The following CDH18 variants were observed in gnomAD, a reference collection of about 807,000 sequenced individuals.
The protein encoded by CDH18 is cadherin-18.
Under a neutral mutation model 67.9 loss-of-function variants are expected in CDH18, and 31 were observed. The observed-to-expected ratio is 0.46, with a 90% CI of 0.34 to 0.62. The LOEUF (loss-of-function observed/expected upper bound fraction) is 0.62, where lower values mean the gene tolerates loss of function less well. CDH18 is among the 20% of genes least tolerant of loss of function. CDH18 has a pLI of 0.01. For synonymous variants in CDH18, 362 were observed against 347.2 expected (o/e 1.04, Z -0.48); for missense variants, 890 against 975.5 (o/e 0.91, Z 1.17).
In CDH18 at chr5:19,574,599, C is replaced by CA. The variant is rs1027208221; in HGVS notation, c.1000-2768dup. Among the ~76,000 whole-genome samples, 79 of 151,164 alleles carry CA rather than the reference C, an allele frequency of 5.2e-4. 2 individuals are homozygous for CA. Among genetic ancestry groups the CA allele is most frequent in the East Asian group, 3.3e-3 (17 of 5,148 alleles). ...AATTATTGTATTATTTGGTTTTACC[C>CA]AAAAAAAATGGTATTTATAGTATTA... On this transcript the variant is annotated intron_variant, in intron 7 of 12. Transcript: ENST00000382275.
At chr5:19,834,389 T>C (rs1238118465) in intron 3 of CDH18, among the ~76,000 whole-genome samples, 1 of 152,074 alleles carries the variant, frequency 6.6e-6, no homozygotes, top group East Asian at 1.9e-4. Context: ...TATCATTTTT[T>C]ATTATATCTA....
intron 1 of CDH18, among the ~76,000 whole-genome samples, chr5:20,354,458 C>T (rs756921359): frequency 1.1e-4 from 16 of 152,104 alleles, no homozygotes; most frequent in Non-Finnish European, 1.8e-4. Context: ...TCCAACACCC[C>T]GGCTGCAGTA....
intron 1 of CDH18, among the ~76,000 whole-genome samples, chr5:20,568,840 C>CACAAACTAGCT: frequency 6.6e-6 from 1 of 152,214 alleles, no homozygotes. Context: ...CAAGCTAGTC[C>CACAAACTAGCT]AATCCTTTGC....
chr5:19,694,657 G>C (rs1762313002), intron 5 of CDH18, among the ~76,000 whole-genome samples: 1 of 148,718 alleles, frequency 6.7e-6, no homozygotes. Context: ...CTCTGTGTGT[G>C]TGTGTGTGTG....
intron 2 of CDH18, among the ~76,000 whole-genome samples, chr5:20,041,068 T>C (rs754429672): frequency 5.3e-5 from 8 of 152,190 alleles, no homozygotes; most frequent in Non-Finnish European, 1.0e-4. Context: ...AGTTAAATAA[T>C]GTGTCCATGA....
At chr5:20,448,518 T>G (rs1313851836) in intron 1 of CDH18, among the ~76,000 whole-genome samples, 2 of 152,174 alleles carry the variant, frequency 1.3e-5, no homozygotes, top group South Asian at 2.1e-4. Context: ...AAAAATGAAC[T>G]GATTAAAATT....
At chr5:19,777,260 A>G (rs1278870292) in intron 3 of CDH18, among the ~76,000 whole-genome samples, 1 of 152,232 alleles carries the variant, frequency 6.6e-6, no homozygotes, top group Non-Finnish European at 1.5e-5. Context: ...AGCCTGGGCA[A>G]CAAGAGTGAA....
chr5:20,033,088 T>C (rs1739544528), intron 2 of CDH18, among the ~76,000 whole-genome samples: 1 of 151,964 alleles, frequency 6.6e-6, no homozygotes, highest in Non-Finnish European at 1.5e-5. Flanking sequence ...CTATGACCTC[T>C]CTGCAGCTCT....
intron 5 of CDH18, among the ~76,000 whole-genome samples, chr5:19,628,897 A>G (rs543894303): frequency 6.6e-5 from 10 of 152,194 alleles, no homozygotes; most frequent in African/African-American, 2.2e-4. Context: ...AGGTAAAAGC[A>G]AAAGATGCCC....
At chr5:19,891,796 G>A in intron 2 of CDH18, among the ~76,000 whole-genome samples, 1 of 152,140 alleles carries the variant, frequency 6.6e-6, no homozygotes, top group Admixed American at 6.5e-5. Flanking sequence ...TATTATATAT[G>A]TTTGCTTTCT....
chr5:19,965,115 T>A (rs983689669), intron 2 of CDH18, among the ~76,000 whole-genome samples: 1 of 152,194 alleles, frequency 6.6e-6, no homozygotes, highest in African/African-American at 2.4e-5. Context: ...TTGCATGATA[T>A]CTTTATTTTG....
At chr5:20,095,905 G>A (rs9292863) in intron 2 of CDH18, among the ~76,000 whole-genome samples, 66,013 of 151,728 alleles carry the variant, frequency 0.44, 15,284 homozygotes, top group Middle Eastern at 0.67. Flanking sequence ...AGTATTAGCA[G>A]ATTGGATGTA....
At chr5:19,838,196 A>C (rs1488336361) in intron 3 of CDH18, among the ~76,000 whole-genome samples, 1 of 152,160 alleles carries the variant, frequency 6.6e-6, no homozygotes, top group Admixed American at 6.6e-5. Flanking sequence ...TATGAAAATT[A>C]ACTTTGGGTT....
intron 2 of CDH18, among the ~76,000 whole-genome samples, chr5:20,128,647 A>T (rs1749022660): frequency 6.6e-6 from 1 of 152,136 alleles, no homozygotes; most frequent in South Asian, 2.1e-4. Context: ...TGAGTTTGTC[A>T]GCTTATCATC....
intron 3 of CDH18, among the ~76,000 whole-genome samples, chr5:19,776,638 A>G (rs565861096): frequency 1.3e-5 from 2 of 152,332 alleles, no homozygotes; most frequent in African/African-American, 2.4e-5. Flanking sequence ...ATGAGTAGAT[A>G]TAAAACCATT....
At chr5:19,968,674 C>T (rs550906520) in intron 2 of CDH18, among the ~76,000 whole-genome samples, 1 of 144,012 alleles carries the variant, frequency 6.9e-6, no homozygotes, top group South Asian at 2.1e-4. Context: ...CTTCCTTACA[C>T]CTTATATAAA....
intron 3 of CDH18, among the ~76,000 whole-genome samples, chr5:19,826,583 TAAAGA>T (rs1319808069): frequency 6.6e-6 from 1 of 152,130 alleles, no homozygotes; most frequent in African/African-American, 2.4e-5. Context: ...TTAGCATTCT[TAAAGA>T]AAAGAAAAGA....
chr5:20,407,635 G>A (rs114040656), intron 1 of CDH18, among the ~76,000 whole-genome samples: 1,609 of 151,942 alleles, frequency 0.011, 33 homozygotes, highest in African/African-American at 0.037. Flanking sequence ...GAAGGATTCA[G>A]TAGCAGACTA....
At chr5:19,948,452 A>G (rs891092571) in intron 2 of CDH18, among the ~76,000 whole-genome samples, 1 of 152,198 alleles carries the variant, frequency 6.6e-6, no homozygotes, top group African/African-American at 2.4e-5. Context: ...CGACTTGGAC[A>G]AACCTCGTGG....
Sources: allele counts gnomAD v4.1 joint callset (sites outside exome capture counted in the v4.1 genomes callset), GRCh38; gene constraint gnomAD v4.1.1; transcripts MANE v1.5; gene names NCBI Gene and HGNC (gene_info 2026-07-23, HGNC 2026-07-21).